The following SPAG16 variants were observed in gnomAD, a reference collection of about 807,000 sequenced individuals.
SPAG16 encodes the protein sperm associated antigen 16, also known as sperm-associated antigen 16 protein.
In SPAG16, 86 loss-of-function variants were observed where a neutral mutation model predicts 80.4. The observed-to-expected ratio is 1.07, with a 90% confidence interval of 0.90 to 1.28. SPAG16 has a LOEUF of 1.28. SPAG16 is among the 50% of genes most tolerant of loss of function. The pLI is 0.00. For synonymous variants in SPAG16, 294 were observed against 265.9 expected, an observed-to-expected ratio of 1.11 and a Z score of -1.03; for missense variants, 870 against 765.3, an observed-to-expected ratio of 1.14 and a Z score of -1.61.
At chr2:213,872,207 T>C (rs1419441095) in intron 11 of SPAG16, among the ~76,000 whole-genome samples, 1 of 152,094 alleles carries the variant, frequency 6.6e-6, no homozygotes. Context: ...GTAAGAGTGA[T>C]GTGACATGAA....
chr2:213,786,645 C>T (rs1354934047), intron 10 of SPAG16, among the ~76,000 whole-genome samples: 1 of 152,060 alleles, frequency 6.6e-6, no homozygotes, highest in Non-Finnish European at 1.5e-5. Context: ...TAGAGCTATG[C>T]AAACTGTGTA....
chr2:213,698,094 A>G lies in SPAG16; in HGVS notation c.1071-164391A>G, dbSNP rs2065238955. 2.0e-5 allele frequency among the ~76,000 whole-genome samples: 3 copies of G among 152,162 alleles called. No homozygotes were observed. In the South Asian group the frequency reaches 6.2e-4, roughly 32 times the overall value. On this transcript the variant is annotated intron_variant, in intron 10 of 15. Transcript: ENST00000331683. ...ACCCTTTTCAACCTCTTTGTTAATC[A>G]GTTGATTTCCCCATTCTGGTGATAT... is the stretch of plus-strand genomic sequence containing the variant.
At chr2:213,554,809 AAAAG>A (rs2059376707) in intron 10 of SPAG16, among the ~76,000 whole-genome samples, 1 of 152,000 alleles carries the variant, frequency 6.6e-6, no homozygotes, top group South Asian at 2.1e-4. Context: ...AACAAAGAAA[AAAAG>A]AAAAAAAATT....
intron 10 of SPAG16, among the ~76,000 whole-genome samples, chr2:213,491,852 G>C (rs1201770790): frequency 6.6e-6 from 1 of 152,142 alleles, no homozygotes; most frequent in Non-Finnish European, 1.5e-5. Flanking sequence ...TAATGGTTTT[G>C]TAACAATCTT....
chr2:213,328,860 G>A (rs539769601), intron 5 of SPAG16, among the ~76,000 whole-genome samples: 50 of 152,246 alleles, frequency 3.3e-4, no homozygotes, highest in Non-Finnish European at 6.5e-4. Flanking sequence ...GAATTCCCAC[G>A]TGTTGAGGGA....
intron 10 of SPAG16, among the ~76,000 whole-genome samples, chr2:213,725,034 CT>C (rs1336640515): frequency 3.5e-4 from 51 of 146,674 alleles, no homozygotes; most frequent in East Asian, 8.0e-4. Flanking sequence ...GACTCTGCTC[CT>C]TTTTTTTTTT....
intron 10 of SPAG16, among the ~76,000 whole-genome samples, chr2:213,558,377 T>A (rs1294031305): frequency 6.6e-6 from 1 of 152,108 alleles, no homozygotes; most frequent in Non-Finnish European, 1.5e-5. Context: ...GGAAGCTTTT[T>A]ATTCCATAAA....
intron 10 of SPAG16, among the ~76,000 whole-genome samples, chr2:213,516,348 CT>C (rs1187139624): frequency 1.3e-5 from 2 of 152,126 alleles, no homozygotes; most frequent in African/African-American, 4.8e-5. Context: ...CCATACGTTA[CT>C]AACATCTGAT....
chr2:214,354,566 T>G (rs979521182), intron 15 of SPAG16, among the ~76,000 whole-genome samples: 19 of 152,176 alleles, frequency 1.2e-4, no homozygotes, highest in Non-Finnish European at 2.4e-4. Context: ...GGGGATGGCA[T>G]TGAATCTATA....
intron 1 of SPAG16, among the ~76,000 whole-genome samples, chr2:213,287,970 A>G (rs1172388299): frequency 6.6e-6 from 1 of 152,180 alleles, no homozygotes; most frequent in Non-Finnish European, 1.5e-5. Context: ...CAGTGGCATG[A>G]TCATAGCTCA....
At chr2:213,633,172 G>A (rs927011913) in intron 10 of SPAG16, among the ~76,000 whole-genome samples, 1 of 152,026 alleles carries the variant, frequency 6.6e-6, no homozygotes, top group Admixed American at 6.5e-5. Flanking sequence ...TTCAGGTTTT[G>A]GATTTCTTCC....
intron 11 of SPAG16, among the ~76,000 whole-genome samples, chr2:213,885,538 G>T (rs957041560): frequency 6.6e-6 from 1 of 152,054 alleles, no homozygotes; most frequent in African/African-American, 2.4e-5. Context: ...GTTCTTTTCC[G>T]TGAGACTTTT....
intron 9 of SPAG16, among the ~76,000 whole-genome samples, chr2:213,455,685 C>T (rs1379620481): frequency 6.6e-6 from 1 of 152,204 alleles, no homozygotes; most frequent in Non-Finnish European, 1.5e-5. Context: ...AGATCCCTCA[C>T]ATGCACAGTT....
chr2:214,179,189 A>T (rs976238658), intron 15 of SPAG16, among the ~76,000 whole-genome samples: 3 of 151,462 alleles, frequency 2.0e-5, no homozygotes, highest in Admixed American at 1.3e-4. Context: ...GCCAAATTAG[A>T]AAAGCTGGAC....
At chr2:213,930,642 G>T (rs1275580017) in intron 12 of SPAG16, among the ~76,000 whole-genome samples, 1 of 152,092 alleles carries the variant, frequency 6.6e-6, no homozygotes, top group South Asian at 2.1e-4. Flanking sequence ...ATACTGTATT[G>T]TATGTAAAAT....
At chr2:213,701,799 C>G (rs1434727111) in intron 10 of SPAG16, among the ~76,000 whole-genome samples, 1 of 152,110 alleles carries the variant, frequency 6.6e-6, no homozygotes, top group East Asian at 1.9e-4. Context: ...AATCAGCACT[C>G]TGTGTCTAGC....
chr2:214,387,602 A>G (rs1381394711), intron 15 of SPAG16, among the ~76,000 whole-genome samples: 1 of 152,202 alleles, frequency 6.6e-6, no homozygotes, highest in Non-Finnish European at 1.5e-5. Context: ...CGCTGCTAAT[A>G]AAGACACACC....
At chr2:213,443,075 C>T (rs1323127099) in intron 9 of SPAG16, among the ~76,000 whole-genome samples, 1 of 151,920 alleles carries the variant, frequency 6.6e-6, no homozygotes, top group Admixed American at 6.6e-5. Flanking sequence ...GTAAAACATA[C>T]TGTTTTGATA....
chr2:213,323,375 A>C (rs553482115), intron 5 of SPAG16, among the ~76,000 whole-genome samples: 24 of 152,108 alleles, frequency 1.6e-4, no homozygotes, highest in Non-Finnish European at 3.2e-4. Context: ...CAGGAGGCGG[A>C]GCTTGCAGTG....
Sources: gnomAD v4.1 joint callset for allele counts (sites outside exome capture counted in the v4.1 genomes callset) on GRCh38, gnomAD v4.1.1 for gene constraint, MANE v1.5 for transcripts, NCBI Gene and HGNC (gene_info 2026-07-23, HGNC 2026-07-21) for gene names.